YES1: variants seen among roughly 807,000 people sequenced by gnomAD.
YES1 encodes tyrosine-protein kinase Yes.
In YES1, 39 loss-of-function variants were observed where a neutral mutation model predicts 70.4. That is an observed-to-expected ratio of 0.55 (90% CI 0.43 to 0.72). The LOEUF (loss-of-function observed/expected upper bound fraction) is 0.72. YES1 is among the 30% of genes least tolerant of loss of function. The probability of loss-of-function intolerance (pLI) is 0.00; values close to 1 mark genes in which losing one functional copy is unlikely to be tolerated. For missense variants in YES1, 495 were observed against 644.8 expected (o/e 0.77, Z 2.52); for synonymous variants, 198 against 218.6 (o/e 0.91, Z 0.83).
intron 1 of YES1, among the ~76,000 whole-genome samples, chr18:768,373 A>G (rs1905003673): frequency 1.3e-5 from 2 of 152,202 alleles, no homozygotes; most frequent in African/African-American, 4.8e-5. Flanking sequence ...GGGAGAAATG[A>G]TATTTTAAGA....
In YES1 at chr18:724,596, C is replaced by T. The variant is rs777211673; in HGVS notation, c.1460G>A (p.Arg487Gln). The T allele has an allele frequency of 3.1e-6, 5 of 1,613,984 alleles. No homozygotes were observed. Among genetic ancestry groups the T allele is most frequent in the Admixed American group, 1.7e-5 (1 of 59,994 alleles). The change falls in exon 12 of 12, where the codon CGA (arginine) becomes CAA (glutamine). Residue 487 changes from arginine (R) to glutamine (Q), a missense_variant. Arg to Gln is a conservative substitution (Grantham distance 43, BLOSUM62 1). This residue lies in a region of YES1 where 385 missense variants were observed against 540.9 expected (regional missense o/e 0.71). Transcript: ENST00000314574. ...CTGAGGGCACGGCATCCTGTATCCT[C>T]GCTCCACTTGTTCTAATACTTCACG... The part of the protein sequence containing the change: ...VNREVLEQVE[R>Q]GYRMPCPQGC...
chr18:773,926 G>C lies in YES1; in HGVS notation c.-8-17091C>G, dbSNP rs187296030. Among the ~76,000 whole-genome samples, 720 of 151,936 alleles carry C rather than the reference G, an allele frequency of 4.7e-3. 6 individuals are homozygous for C. The highest frequency in any genetic ancestry group is 0.017 in the African/African-American group (692 of 41,466). On this transcript the variant is annotated intron_variant, in intron 1 of 11. Coordinates refer to ENST00000314574, the MANE Select transcript of YES1 (RefSeq NM_005433.4). ...GGCTCACTGCAACCTCCACCTCCTG[G>C]GTTTGAGCAATTCTCCTGCCTCAGC...
chr18:733,839 A>C (rs977342601), intron 10 of YES1, among the ~76,000 whole-genome samples: 2 of 149,694 alleles, frequency 1.3e-5, no homozygotes, highest in Non-Finnish European at 3.0e-5. Flanking sequence ...TTATAAACTT[A>C]TTGCAGAAAT....
At chr18:755,810 A>G (rs577369114) in intron 2 of YES1, among the ~76,000 whole-genome samples, 1 of 152,290 alleles carries the variant, frequency 6.6e-6, no homozygotes, top group East Asian at 1.9e-4. Context: ...AACTCACTCT[A>G]CCTTTTTAAG....
At chr18:785,597 C>T in intron 1 of YES1, among the ~76,000 whole-genome samples, 1 of 152,034 alleles carries the variant, frequency 6.6e-6, no homozygotes. Flanking sequence ...CCAAAGTTCA[C>T]GTGTTGGAAG....
chr18:777,272 A>G (rs1253555895), intron 1 of YES1, among the ~76,000 whole-genome samples: 1 of 152,206 alleles, frequency 6.6e-6, no homozygotes, highest in African/African-American at 2.4e-5. Flanking sequence ...ATTGTTTTAT[A>G]TATGTATATA....
At chr18:762,130 G>A (rs1904623189) in intron 1 of YES1, among the ~76,000 whole-genome samples, 1 of 152,204 alleles carries the variant, frequency 6.6e-6, no homozygotes, top group Non-Finnish European at 1.5e-5. Context: ...AGACCAGCCT[G>A]ACCAATGTGG....
In YES1 at chr18:795,912, A is replaced by AACACACACACACACACACAC. The variant is rs72204539; in HGVS notation, c.-9+16182_-9+16201dup. 7.5e-3 allele frequency among the ~76,000 whole-genome samples: 1,085 copies of AACACACACACACACACACAC among 144,634 alleles called. 9 individuals carry two copies. The highest frequency in any genetic ancestry group is 0.014 in the Middle Eastern group (4 of 292). The allele number at this position is 144,634 out of a possible 152,430, so 94.9% of individuals were successfully genotyped here. A position where few individuals can be genotyped will look rare whatever the true frequency, so the allele number is the denominator to read the frequency against. ...TTCAGCACATGTATCCCAGAACTTAAACACACACACACACACACACACACA... is the reference window on the plus strand; with the variant it reads ...TTCAGCACATGTATCCCAGAACTTAAACACACACACACACACACACACACACACACACACACACACACACA... On this transcript the variant is annotated intron_variant, in intron 1 of 11. Coordinates refer to ENST00000314574, the MANE Select transcript of YES1 (RefSeq NM_005433.4).
chr18:766,794 C>T (rs1426582013), intron 1 of YES1, among the ~76,000 whole-genome samples: 2 of 152,038 alleles, frequency 1.3e-5, no homozygotes, highest in East Asian at 3.9e-4. Context: ...GGGCTGTCTT[C>T]TTTCTGTTAT....
intron 1 of YES1, among the ~76,000 whole-genome samples, chr18:801,142 T>C (rs1259044399): frequency 6.6e-6 from 1 of 151,834 alleles, no homozygotes; most frequent in Non-Finnish European, 1.5e-5. Context: ...CGAGACTCCA[T>C]CTCAAAAAAA....
chr18:760,352 C>T (rs1172678789), intron 1 of YES1, among the ~76,000 whole-genome samples: 12 of 152,032 alleles, frequency 7.9e-5, no homozygotes. Context: ...CACCTGTAGT[C>T]CCCGCTACTC....
chr18:765,429 C>T (rs1319902341), intron 1 of YES1, among the ~76,000 whole-genome samples: 1 of 137,476 alleles, frequency 7.3e-6, no homozygotes, highest in African/African-American at 2.7e-5. Flanking sequence ...GACGGAGTCT[C>T]GCTCTGTCGC....
intron 1 of YES1, among the ~76,000 whole-genome samples, chr18:795,417 G>A (rs986045371): frequency 1.1e-4 from 17 of 152,026 alleles, no homozygotes; most frequent in Non-Finnish European, 2.1e-4. Flanking sequence ...AGTTCTTTGT[G>A]CTACTCTTGC....
chr18:748,992 C>A (rs2080311204), intron 3 of YES1, among the ~76,000 whole-genome samples: 1 of 152,014 alleles, frequency 6.6e-6, no homozygotes, highest in Non-Finnish European at 1.5e-5. Context: ...GAAACCTGGT[C>A]TCTACTAAAA....
At chr18:787,186 A>G (rs1598935660) in intron 1 of YES1, among the ~76,000 whole-genome samples, 1 of 121,358 alleles carries the variant, frequency 8.2e-6, no homozygotes, top group African/African-American at 3.1e-5. Flanking sequence ...TGCAACCTCC[A>G]CCTCCCGGGT....
chr18:784,990 C>T lies in YES1; in HGVS notation c.-9+27124G>A, dbSNP rs116178269. On this transcript the variant is annotated intron_variant, in intron 1 of 11. Transcript: ENST00000314574. ...CATGCTTATAATCAGTATACTACAA[C>T]AATCATGCTCATGCTCAACTGTTAG... 2.8e-3 allele frequency among the ~76,000 whole-genome samples: 427 copies of T among 152,270 alleles called. 3 individuals are homozygous for T. The highest frequency in any genetic ancestry group is 1.0e-2 in the African/African-American group (414 of 41,552).
intron 1 of YES1, among the ~76,000 whole-genome samples, chr18:794,111 T>C (rs1415761841): frequency 1.3e-5 from 2 of 152,208 alleles, no homozygotes; most frequent in Non-Finnish European, 2.9e-5. Context: ...AAGAGAAATA[T>C]GTTCATTTTG....
chr18:728,340 T>C (rs1012322845), intron 11 of YES1, among the ~76,000 whole-genome samples: 5 of 151,116 alleles, frequency 3.3e-5, no homozygotes, highest in Admixed American at 6.6e-5. Flanking sequence ...AAAAAATTCA[T>C]TTATGTTTCA....
At chr18:777,657 A>C (rs1009438056) in intron 1 of YES1, among the ~76,000 whole-genome samples, 17 of 151,890 alleles carry the variant, frequency 1.1e-4, no homozygotes, top group African/African-American at 4.1e-4. Context: ...AAATACAAAA[A>C]TCAGCCAGGC....
Sources: gnomAD v4.1 joint callset for allele counts (sites outside exome capture counted in the v4.1 genomes callset) on GRCh38, gnomAD v4.1.1 for gene constraint, gnomAD v4.1.1 regional missense constraint, MANE v1.5 for transcripts, NCBI Gene and HGNC (gene_info 2026-07-23, HGNC 2026-07-21) for gene names.